The following PIK3R3 variants were observed in gnomAD, a reference collection of about 807,000 sequenced individuals.
PIK3R3 encodes the protein phosphoinositide-3-kinase regulatory subunit 3, also known as phosphatidylinositol 3-kinase regulatory subunit gamma.
Under a neutral mutation model 62.9 loss-of-function variants are expected in PIK3R3, and 64 were observed. The observed-to-expected ratio is 1.02, with a 90% CI of 0.83 to 1.25. PIK3R3 has a LOEUF of 1.25. PIK3R3 is among the 50% of genes most tolerant of loss of function. The probability of loss-of-function intolerance (pLI) is 0.00; values close to 1 mark genes in which losing one functional copy is unlikely to be tolerated. For missense variants in PIK3R3, 614 were observed against 561.6 expected (o/e 1.09, Z -0.94); for synonymous variants, 165 against 189.0 (o/e 0.87, Z 1.04).
upstream of PIK3R3, among the ~76,000 whole-genome samples, chr1:46,136,324 A>G (rs1457563013): frequency 6.6e-6 from 1 of 152,202 alleles, no homozygotes; most frequent in African/African-American, 2.4e-5. Flanking sequence ...TAGAAGATAT[A>G]TCAAGTTTTG....
chr1:46,084,849 T>C (rs1390615979), intron 1 of PIK3R3, among the ~76,000 whole-genome samples: 1 of 152,198 alleles, frequency 6.6e-6, no homozygotes, highest in Non-Finnish European at 1.5e-5. Flanking sequence ...ATCTAGTCCT[T>C]AGTGATTTGA....
At chr1:46,087,213 T>C (rs1025349691) in intron 1 of PIK3R3, among the ~76,000 whole-genome samples, 2 of 152,056 alleles carry the variant, frequency 1.3e-5, no homozygotes, top group African/African-American at 4.8e-5. Flanking sequence ...CATGTATACA[T>C]ATGTAACAAA....
chr1:46,066,095 C>G lies in PIK3R3; in HGVS notation c.580G>C (p.Glu194Gln). The part of the protein sequence containing the change: ...YHSQYQEKSK[E>Q]YDRLYEEYTR... ...TATTCTTCATACAGCCTATCATACTCTTTACTCTTCTCCTGATACTGAGAG... is the reference window on the plus strand; with the variant it reads ...TATTCTTCATACAGCCTATCATACTGTTTACTCTTCTCCTGATACTGAGAG... The change falls in exon 5 of 10, where the codon GAG becomes CAG. Residue 194 changes from glutamate to glutamine, a missense_variant. Glu to Gln is a conservative substitution (Grantham distance 29). Coordinates refer to ENST00000262741, the MANE Select transcript of PIK3R3 (RefSeq NM_003629.4). 1 of 1,606,032 alleles carries G rather than the reference C, an allele frequency of 6.2e-7. No homozygotes were observed. The highest frequency in any genetic ancestry group is 8.5e-7 in the Non-Finnish European group (1 of 1,173,074).
In PIK3R3 at chr1:46,041,868, G is replaced by GT. The variant is rs1196841389; in HGVS notation, c.*1804dup. 2.8e-5 allele frequency: 6 copies of GT among 213,500 alleles called. No homozygotes were observed. Among genetic ancestry groups the GT allele is most frequent in the Non-Finnish European group, 3.8e-5 (4 of 105,594 alleles). 13.2% of individuals were successfully genotyped at this position (213,500 alleles called of 1,614,324 possible). A position where few individuals can be genotyped will look rare whatever the true frequency, so the allele number is the denominator to read the frequency against. On this transcript the variant is annotated 3_prime_UTR_variant, in exon 10 of 10. Coordinates refer to ENST00000262741, the MANE Select transcript of PIK3R3 (RefSeq NM_003629.4). ...ACTTCCCTTTCTATCCTCGTCACTA[G>GT]TAACTGGAGGTTTTTCCAAAATTAA... is the stretch of plus-strand genomic sequence containing the variant.
the PIK3R3 span, among the ~76,000 whole-genome samples, chr1:46,174,647 C>T: frequency 6.6e-6 from 1 of 152,092 alleles, no homozygotes; most frequent in East Asian, 1.9e-4. Context: ...ACAAAATGTT[C>T]CCAGCGACTA....
chr1:46,076,900 G>C (rs1428361398), intron 3 of PIK3R3, among the ~76,000 whole-genome samples: 1 of 151,942 alleles, frequency 6.6e-6, no homozygotes, highest in African/African-American at 2.4e-5. Flanking sequence ...TTTTCTTTTT[G>C]TTAAATATTT....
upstream of PIK3R3, among the ~76,000 whole-genome samples, chr1:46,137,867 A>G (rs1456818355): frequency 2.0e-5 from 3 of 152,228 alleles, no homozygotes; most frequent in Non-Finnish European, 2.9e-5. Context: ...AAATTATCCT[A>G]GTAATCCTTT....
intron 1 of PIK3R3, among the ~76,000 whole-genome samples, chr1:46,109,602 AC>A (rs1458420974): frequency 4.7e-5 from 7 of 148,418 alleles, no homozygotes; most frequent in African/African-American, 1.7e-4. Context: ...TCCTGCCTCA[AC>A]CTCCCGAGTA....
the PIK3R3 span, among the ~76,000 whole-genome samples, chr1:46,162,998 T>C: frequency 1.3e-5 from 2 of 152,226 alleles, no homozygotes; most frequent in Admixed American, 6.5e-5. Context: ...TTTTCTACAA[T>C]GAACAAACAT....
chr1:46,043,669 C>A lies in PIK3R3; in HGVS notation c.*4G>T. The A allele has an allele frequency of 5.0e-6, 8 of 1,613,842 alleles. No individual in the cohort carries two copies. The highest frequency in any genetic ancestry group is 6.8e-6 in the Non-Finnish European group (8 of 1,179,724). On this transcript the variant is annotated 3_prime_UTR_variant, in exon 10 of 10. Transcript: ENST00000262741. ...AGAGAACCACCTCTCTTCCCACTTC[C>A]TCTTTATCTGCAAAGCGAGGGCATC... is the stretch of plus-strand genomic sequence containing the variant.
the PIK3R3 span, among the ~76,000 whole-genome samples, chr1:46,157,693 G>A: frequency 6.6e-6 from 1 of 152,180 alleles, no homozygotes; most frequent in Non-Finnish European, 1.5e-5. Context: ...AGTCAGCAGG[G>A]ACTCCAAGAG....
chr1:46,144,645 G>GTAGTCC, the PIK3R3 span, among the ~76,000 whole-genome samples: 3 of 151,928 alleles, frequency 2.0e-5, no homozygotes, highest in African/African-American at 7.3e-5. Context: ...GCACGCACCT[G>GTAGTCC]TAGTCCCAGC....
intron 7 of PIK3R3, among the ~76,000 whole-genome samples, chr1:46,049,920 G>A (rs1309098843): frequency 6.6e-6 from 1 of 152,088 alleles, no homozygotes; most frequent in Non-Finnish European, 1.5e-5. Context: ...AGGAGTTCGA[G>A]ACCAGGCTGG....
chr1:46,098,701 G>C (rs917096728), intron 1 of PIK3R3, among the ~76,000 whole-genome samples: 1 of 152,028 alleles, frequency 6.6e-6, no homozygotes, highest in Non-Finnish European at 1.5e-5. Flanking sequence ...GAAGAATGGG[G>C]AATGACTTTT....
At chr1:46,145,374 A>T in the PIK3R3 span, among the ~76,000 whole-genome samples, 45 of 139,970 alleles carry the variant, frequency 3.2e-4, 1 homozygote, top group South Asian at 8.9e-4. Context: ...AACTTTTTAA[A>T]AAAAAAAAAA....
At chr1:46,087,756 C>T (rs986372691) in intron 1 of PIK3R3, among the ~76,000 whole-genome samples, 2 of 152,092 alleles carry the variant, frequency 1.3e-5, no homozygotes, top group Admixed American at 6.6e-5. Context: ...CTTATCACTT[C>T]TCAGTGAAGG....
intron 1 of PIK3R3, among the ~76,000 whole-genome samples, chr1:46,096,729 T>C (rs1652161094): frequency 6.6e-6 from 1 of 151,688 alleles, no homozygotes. Flanking sequence ...AAATCCCAGC[T>C]ACTTGGAAGG....
chr1:46,140,183 A>G, the PIK3R3 span, among the ~76,000 whole-genome samples: 1 of 152,248 alleles, frequency 6.6e-6, no homozygotes, highest in East Asian at 1.9e-4. Context: ...TTGTAGAGAC[A>G]GGGTCTCCCT....
intron 1 of PIK3R3, among the ~76,000 whole-genome samples, chr1:46,110,058 C>T (rs1270818061): frequency 1.3e-5 from 2 of 152,092 alleles, no homozygotes; most frequent in African/African-American, 4.8e-5. Flanking sequence ...TGCACATATC[C>T]TGTACCTCAT....
Sources: allele counts gnomAD v4.1 joint callset (sites outside exome capture counted in the v4.1 genomes callset), GRCh38; gene constraint gnomAD v4.1.1; transcripts MANE v1.5; gene names NCBI Gene and HGNC (gene_info 2026-07-23, HGNC 2026-07-21).